The following RASSF9 variants were observed in gnomAD, a reference collection of about 807,000 sequenced individuals.
RASSF9 encodes ras association domain-containing protein 9.
A neutral mutation model predicts 21.4 loss-of-function variants in RASSF9; 18 were observed. That is an observed-to-expected ratio of 0.84 (90% CI 0.58 to 1.25). The LOEUF is 1.25. Among genes scored for constraint, RASSF9 ranks in the 50% most tolerant of loss-of-function variants. RASSF9 has a pLI of 0.00. For missense variants in RASSF9, 480 were observed against 503.2 expected (o/e 0.95, Z 0.44); for synonymous variants, 183 against 179.1 (o/e 1.02, Z -0.18).
chr12:85,812,527 A>T (rs1378450245), intron 1 of RASSF9, among the ~76,000 whole-genome samples: 1 of 151,184 alleles, frequency 6.6e-6, no homozygotes, highest in East Asian at 2.0e-4. Context: ...ATTGAACTTG[A>T]AAATTTAAAT....
rs1592536793 is a variant in RASSF9 at position 85,836,337 on chromosome 12, C to T, written c.-136G>A. 1 of 1,492,006 alleles carries T rather than the reference C, an allele frequency of 6.7e-7. No individual in the cohort carries two copies. Among genetic ancestry groups the T allele is most frequent in the African/African-American group, 1.4e-5 (1 of 71,156 alleles). The allele number at this position is 1,492,006 out of a possible 1,614,324, so 92.4% of individuals were successfully genotyped here. A position where few individuals can be genotyped will look rare whatever the true frequency, so the allele number is the denominator to read the frequency against. On this transcript the variant is annotated 5_prime_UTR_variant, in exon 1 of 2. It removes an upstream start codon present in the reference 5' UTR. Transcript: ENST00000361228. ...CCTCGGATGTTCCTGGCTTTCAGCT[C>T]ATTAGTAGCCGGCTGAGAAAGTTGC... is the stretch of plus-strand genomic sequence containing the variant.
chr12:85,819,587 G>A (rs1162225336), intron 1 of RASSF9, among the ~76,000 whole-genome samples: 2 of 152,130 alleles, frequency 1.3e-5, no homozygotes, highest in African/African-American at 4.8e-5. Context: ...CCCATTTTAT[G>A]GATGGGTGAA....
chr12:85,825,811 CA>C (rs2136561531), intron 1 of RASSF9, among the ~76,000 whole-genome samples: 2 of 150,736 alleles, frequency 1.3e-5, no homozygotes, highest in Admixed American at 6.6e-5. Flanking sequence ...CACACACACA[CA>C]CACCCTTACA....
intron 1 of RASSF9, among the ~76,000 whole-genome samples, chr12:85,833,272 A>G (rs1239407817): frequency 6.6e-6 from 1 of 151,908 alleles, no homozygotes; most frequent in African/African-American, 2.4e-5. Context: ...AATAATTAGT[A>G]TATTTATGGT....
Position 85,836,070 on chromosome 12 carries a change from T to C in RASSF9, c.47+85A>G, listed in dbSNP as rs1880555641. Reference sequence around the variant, plus strand: ...AATCTAACAACCACAAAACACATACTTTCACAGGTAGGGTCCAGAGTACAC... The same window carrying C: ...AATCTAACAACCACAAAACACATACCTTCACAGGTAGGGTCCAGAGTACAC... On this transcript the variant is annotated intron_variant, in intron 1 of 1. Transcript: ENST00000361228. 1.9e-6 allele frequency: 3 copies of C among 1,543,860 alleles called. No homozygotes were observed. The Admixed American group carries it at 5.9e-5, about 30-fold the overall frequency.
chr12:85,825,459 A>G (rs923477612), intron 1 of RASSF9, among the ~76,000 whole-genome samples: 7 of 152,160 alleles, frequency 4.6e-5, no homozygotes, highest in African/African-American at 1.4e-4. Flanking sequence ...CCTCGTGGTT[A>G]TAACTGCCCC....
chr12:85,800,724 A>G lies in RASSF9; in HGVS notation c.*3978T>C, dbSNP rs1471232333. On this transcript the variant is annotated 3_prime_UTR_variant, in exon 2 of 2. Transcript: ENST00000361228. ...CAAGAAAGGTATAATTATTTCTTTT[A>G]TTATTTTGGATCAGTTACAACATGA... 6.6e-6 allele frequency: 1 copy of G among 151,530 alleles called. No individual in the cohort carries two copies. The highest frequency in any genetic ancestry group is 2.4e-5 in the African/African-American group (1 of 41,276). 9.4% of individuals were successfully genotyped at this position (151,530 alleles called of 1,614,324 possible). A position where few individuals can be genotyped will look rare whatever the true frequency, so the allele number is the denominator to read the frequency against.
Position 85,803,912 on chromosome 12 carries a change from A to G in RASSF9, c.*790T>C, listed in dbSNP as rs917104692. On this transcript the variant is annotated 3_prime_UTR_variant, in exon 2 of 2. Transcript: ENST00000361228. Reference sequence around the variant, plus strand: ...TTTGTAGATAGGACATAAACAAATAACACTATGACTGATTTTCTCTGTAAC... The same window carrying G: ...TTTGTAGATAGGACATAAACAAATAGCACTATGACTGATTTTCTCTGTAAC... The G allele has an allele frequency of 1.3e-5, 2 of 152,234 alleles. No individual in the cohort carries two copies. The highest frequency in any genetic ancestry group is 2.9e-5 in the Non-Finnish European group (2 of 68,036). 9.4% of individuals were successfully genotyped at this position (152,234 alleles called of 1,614,324 possible). A position where few individuals can be genotyped will look rare whatever the true frequency, so the allele number is the denominator to read the frequency against.
chr12:85,822,605 T>G, intron 1 of RASSF9, among the ~76,000 whole-genome samples: 1 of 152,214 alleles, frequency 6.6e-6, no homozygotes, highest in East Asian at 1.9e-4. Context: ...AGAAAAATAC[T>G]AATCATCTAT....
chr12:85,822,447 T>C (rs960124652), intron 1 of RASSF9, among the ~76,000 whole-genome samples: 1 of 152,184 alleles, frequency 6.6e-6, no homozygotes, highest in Non-Finnish European at 1.5e-5. Context: ...TTCATCTGAA[T>C]AATCAACTAT....
intron 1 of RASSF9, among the ~76,000 whole-genome samples, chr12:85,810,642 C>T (rs1391792274): frequency 1.3e-5 from 2 of 151,858 alleles, no homozygotes; most frequent in East Asian, 1.9e-4. Context: ...TTTTAACACT[C>T]GAACTGGGCC....
intron 1 of RASSF9, among the ~76,000 whole-genome samples, chr12:85,824,361 GT>G (rs1344629746): frequency 1.3e-5 from 2 of 151,988 alleles, no homozygotes; most frequent in Non-Finnish European, 2.9e-5. Flanking sequence ...ATCACTGTTT[GT>G]TTTATCCTTT....
chr12:85,806,092 G>A, intron 1 of RASSF9, 130 bp from the exon 2 acceptor site: 1 of 989,326 alleles, frequency 1.0e-6, no homozygotes, highest in South Asian at 1.9e-5. Flanking sequence ...TGTCGCCCAG[G>A]CTGGAGTGCA....
rs769243398 is a variant in RASSF9 at position 85,805,182 on chromosome 12, G to C, written c.828C>G (p.Tyr276Ter). 6.2e-7 allele frequency: 1 copy of C among 1,613,796 alleles called. No homozygotes were observed. The highest frequency in any genetic ancestry group is 2.2e-5 in the East Asian group (1 of 44,870). ...IEQLEERLKY[Y>*]RILIDKLSAE... ...CAGAGAGCTTATCAATGAGTATTCG[G>C]TAATATTTCAGTCGTTCTTCCAGCT... The change falls in exon 2 of 2, where the codon TAC becomes TAG. Residue 276 changes from tyrosine to a stop codon, truncating the protein, a stop_gained. Coordinates refer to ENST00000361228, the MANE Select transcript of RASSF9 (RefSeq NM_005447.4). LOFTEE classifies it high-confidence loss of function.
At chr12:85,827,877 T>C (rs956131850) in intron 1 of RASSF9, among the ~76,000 whole-genome samples, 7 of 152,218 alleles carry the variant, frequency 4.6e-5, no homozygotes, top group African/African-American at 1.4e-4. Context: ...CATATTGTTT[T>C]TGCATTGTCT....
intron 1 of RASSF9, among the ~76,000 whole-genome samples, chr12:85,817,844 G>A (rs1267510455): frequency 1.3e-5 from 2 of 152,116 alleles, no homozygotes; most frequent in Non-Finnish European, 2.9e-5. Flanking sequence ...CATAAGATAT[G>A]CTCTGTACAA....
At position 85,802,176 on chromosome 12, in the gene RASSF9, C is replaced by G. The variant is rs566326190; in HGVS notation, c.*2526G>C. The G allele has an allele frequency of 6.6e-6, 1 of 152,264 alleles. No homozygotes were observed. Among genetic ancestry groups the G allele is most frequent in the South Asian group, 2.1e-4 (1 of 4,824 alleles). 9.4% of individuals were successfully genotyped at this position (152,264 alleles called of 1,614,324 possible). ...TTCATAGTTAACCTGTCAGATTACT[C>G]AAGAATTTATACTTTAACATTTCTA... On this transcript the variant is annotated 3_prime_UTR_variant, in exon 2 of 2. Transcript: ENST00000361228.
At chr12:85,819,211 T>A (rs1051133728) in intron 1 of RASSF9, among the ~76,000 whole-genome samples, 4 of 81,936 alleles carry the variant, frequency 4.9e-5, no homozygotes, top group African/African-American at 2.5e-4. Flanking sequence ...GCTTTAAGCA[T>A]TTTTTTTTTT....
intron 1 of RASSF9, among the ~76,000 whole-genome samples, chr12:85,816,309 TAAAAAA>T (rs201674833): frequency 5.7e-5 from 8 of 140,066 alleles, no homozygotes; most frequent in African/African-American, 1.0e-4. Context: ...ACTTAAAAGT[TAAAAAA>T]AAAAAAAAGC....
Sources: gnomAD v4.1 joint callset for allele counts (sites outside exome capture counted in the v4.1 genomes callset) on GRCh38, gnomAD v4.1.1 for gene constraint, MANE v1.5 for transcripts, NCBI Gene and HGNC (gene_info 2026-07-23, HGNC 2026-07-21) for gene names.